The following NUBP2 variants were observed in gnomAD, a reference collection of about 807,000 sequenced individuals.
NUBP2 encodes the protein NUBP iron-sulfur cluster assembly factor 2, cytosolic.
In NUBP2, 23 loss-of-function variants were observed where a neutral mutation model predicts 24.9. The observed-to-expected ratio is 0.92, with a 90% CI of 0.66 to 1.31. The LOEUF is 1.31. NUBP2 is among the 50% of genes most tolerant of loss of function. The pLI is 0.00. For synonymous variants in NUBP2, 186 were observed against 170.9 expected, an observed-to-expected ratio of 1.09 and a Z score of -0.69; for missense variants, 403 against 386.5, an observed-to-expected ratio of 1.04 and a Z score of -0.36.
At position 1,785,659 on chromosome 16, in the gene NUBP2, C is replaced by G. The variant is rs958919922; in HGVS notation, c.17-878C>G. On this transcript the variant is annotated intron_variant, in intron 1 of 6. Transcript: ENST00000262302. The stretch of plus-strand genomic sequence containing the variant: ...TGCAGGAGTGTGGGGCTGGGGCTGC[C>G]TTTTCCGCGTCCCCTGGAGGAGACC... The G allele has an allele frequency of 1.1e-4, 137 of 1,288,676 alleles. 1 individual carries two copies. The highest frequency in any genetic ancestry group is 1.3e-4 in the Non-Finnish European group (131 of 988,588). 79.8% of individuals were successfully genotyped at this position (1,288,676 alleles called of 1,614,324 possible). A position where few individuals can be genotyped will look rare whatever the true frequency, so the allele number is the denominator to read the frequency against.
chr16:1,785,736 G>A, intron 1 of NUBP2: 4 of 1,289,126 alleles, frequency 3.1e-6, no homozygotes, highest in Non-Finnish European at 4.0e-6. Flanking sequence ...GGTTCTCCGG[G>A]AGGCTTTGGA....
At chr16:1,788,338 GC>G in intron 6 of NUBP2, 131 bp downstream of exon 6, 1 of 1,095,568 alleles carries the variant, frequency 9.1e-7, no homozygotes, top group Non-Finnish European at 1.3e-6. Context: ...CTCTTCTCGG[GC>G]CACACGCCAT....
rs201591725 is a variant in NUBP2, at chr16:1,787,627, G to A, written c.335-50G>A. 839 of 1,592,906 alleles carry A rather than the reference G, an allele frequency of 5.3e-4. 6 individuals carry two copies. In the African/African-American group the frequency reaches 8.5e-3, roughly 16 times the overall value. ...CTGGTTCTTAGTGGCGCAGGGCCACGTGTGCAGACCTGCCCTGCCCTGACC... is the reference window on the plus strand; with the variant it reads ...CTGGTTCTTAGTGGCGCAGGGCCACATGTGCAGACCTGCCCTGCCCTGACC... On this transcript the variant is annotated intron_variant, in intron 3 of 6. Coordinates refer to ENST00000262302, the MANE Select transcript of NUBP2 (RefSeq NM_012225.4).
rs774781785 is a variant in NUBP2 at position 1,786,770 on chromosome 16, A to T, written c.149A>T (p.Asp50Val). 45 of 1,611,180 alleles carry T rather than the reference A, an allele frequency of 2.8e-5. No homozygotes were observed. The highest frequency in any genetic ancestry group is 3.7e-5 in the Non-Finnish European group (44 of 1,178,996). ...CGCTCCTTGCAGGTGGGAATCCTGG[A>T]TGTGGACCTGTGTGGCCCCAGTATC... ...RHAGKKVGIL[D>V]VDLCGPSIPR... The change falls in exon 3 of 7, where the codon GAT becomes GTT. Residue 50 changes from aspartate (D) to valine (V), a missense_variant. Coordinates refer to ENST00000262302, the MANE Select transcript of NUBP2 (RefSeq NM_012225.4).
intron 3 of NUBP2, 42 bp from the exon 4 acceptor site, chr16:1,787,635 A>G (rs757684354): frequency 6.2e-7 from 1 of 1,602,514 alleles, no homozygotes; most frequent in Admixed American, 1.7e-5. Flanking sequence ...ACGTGTGCAG[A>G]CCTGCCCTGC....
At chr16:1,783,562 G>C (rs1195007008) in intron 1 of NUBP2, 1 of 935,102 alleles carries the variant, frequency 1.1e-6, no homozygotes, top group African/African-American at 1.8e-5. Context: ...CGCCAGATCA[G>C]CGCCGTGGGC....
chr16:1,783,506 T>A, intron 1 of NUBP2: 1 of 987,972 alleles, frequency 1.0e-6, no homozygotes, highest in Non-Finnish European at 1.2e-6. Flanking sequence ...TTCAGAAAAG[T>A]GTAAGTTGCG....
At position 1,782,996 on chromosome 16, in the gene NUBP2, G is replaced by A. The variant is rs886104496; in HGVS notation, c.-25G>A. On this transcript the variant is annotated 5_prime_UTR_variant, in exon 1 of 7. Transcript: ENST00000262302. The stretch of plus-strand genomic sequence containing the variant: ...GGCCCGCGGGCGTAAGCGGACTGCA[G>A]CCGCGAGCTCCTGGAGGCGGCGGGA... The A allele has an allele frequency of 4.3e-6, 6 of 1,400,848 alleles. No individual in the cohort carries two copies. Among genetic ancestry groups the A allele is most frequent in the Non-Finnish European group, 5.6e-6 (6 of 1,074,106 alleles). The allele number at this position is 1,400,848 out of a possible 1,614,324, so 86.8% of individuals were successfully genotyped here. A position where few individuals can be genotyped will look rare whatever the true frequency, so the allele number is the denominator to read the frequency against.
intron 1 of NUBP2, chr16:1,785,329 C>G: frequency 9.2e-7 from 1 of 1,086,362 alleles, no homozygotes; most frequent in African/African-American, 1.7e-5. Flanking sequence ...GTTGTTGTCC[C>G]GGTTCCTGAC....
At chr16:1,783,243 T>C in intron 1 of NUBP2, 1 of 1,163,086 alleles carries the variant, frequency 8.6e-7, no homozygotes, top group Non-Finnish European at 1.1e-6. Context: ...GGAAGCTCCG[T>C]GATCTCGGAG....
chr16:1,785,611 C>T, intron 1 of NUBP2: 1 of 1,282,466 alleles, frequency 7.8e-7, no homozygotes, highest in Non-Finnish European at 1.0e-6. Flanking sequence ...GACCGGGAGG[C>T]CGTGGTCTCG....
intron 6 of NUBP2, among the ~76,000 whole-genome samples, 175 bp from the exon 7 acceptor site, chr16:1,788,394 C>T (rs891206503): frequency 4.6e-5 from 7 of 152,182 alleles, no homozygotes; most frequent in African/African-American, 1.7e-4. Context: ...TTCTCAGGGC[C>T]CTCTCGGGTG....
rs1896974313 is a variant in NUBP2 at position 1,786,518 on chromosome 16, CTG to C, written c.17-17_17-16del. The C allele has an allele frequency of 6.3e-7, 1 of 1,576,268 alleles. No homozygotes were observed. ...TGGGCACCAGGAGCCCTGACCTTCT[CTG>C]TCGTGTTTCCGCCCAGAGCCTGGAA... On this transcript the variant is annotated splice_polypyrimidine_tract_variant and intron_variant, in intron 1 of 6. Transcript: ENST00000262302.
intron 3 of NUBP2, 100 bp downstream of exon 3, chr16:1,787,055 C>T: frequency 1.4e-5 from 16 of 1,173,728 alleles, no homozygotes; most frequent in Non-Finnish European, 1.8e-5. Flanking sequence ...CAGGCCTGTT[C>T]CTGGGGACCT....
At chr16:1,787,248 G>C in intron 3 of NUBP2, 1 of 430,928 alleles carries the variant, frequency 2.3e-6, no homozygotes, top group Non-Finnish European at 4.2e-6. Flanking sequence ...GAGCTGAGGG[G>C]GTTCTGGTGC....
At chr16:1,783,623 A>G (rs1896825365) in intron 1 of NUBP2, 1 of 412,772 alleles carries the variant, frequency 2.4e-6, no homozygotes, top group African/African-American at 2.2e-5. Flanking sequence ...CTCGAGTCCG[A>G]TACCAAAAGG....
chr16:1,785,961 G>A, intron 1 of NUBP2: 1 of 1,216,198 alleles, frequency 8.2e-7, no homozygotes, highest in Non-Finnish European at 1.0e-6. Context: ...CCGTGTGGCA[G>A]GGACAGGATG....
Position 1,786,888 on chromosome 16 carries a change from C to CAT in NUBP2, c.268_269dup (p.Met90IlefsTer25). The stretch of plus-strand genomic sequence containing the variant: ...TGGACCGGGAGCAGAGCATCTCGCT[C>CAT]ATGTCTGTGGGCTTCCTGCTGGAGA... On this transcript the variant is annotated frameshift_variant, in exon 3 of 7. Transcript: ENST00000262302. LOFTEE classifies it high-confidence loss of function. 1 of 1,571,454 alleles carries CAT rather than the reference C, an allele frequency of 6.4e-7. No homozygotes were observed. The highest frequency in any genetic ancestry group is 8.7e-7 in the Non-Finnish European group (1 of 1,152,604).
rs770922668 is a variant in NUBP2, at chr16:1,787,652, CGCCCCGTCT to C, written c.335-15_335-7del. On this transcript the variant is annotated splice_polypyrimidine_tract_variant and intron_variant, in intron 3 of 6. Transcript: ENST00000262302. ...GTGTGCAGACCTGCCCTGCCCTGACCGCCCCGTCTGCCCCGTCTTTGCAGCGCTGATAAA... is the reference window on the plus strand; with the variant it reads ...GTGTGCAGACCTGCCCTGCCCTGACCGCCCCGTCTTTGCAGCGCTGATAAA... 2.5e-6 allele frequency: 4 copies of C among 1,609,422 alleles called. No homozygotes were observed. The South Asian group carries it at 4.4e-5, about 18-fold the overall frequency.
Sources: allele counts gnomAD v4.1 joint callset (sites outside exome capture counted in the v4.1 genomes callset), GRCh38; gene constraint gnomAD v4.1.1; transcripts MANE v1.5; gene names NCBI Gene and HGNC (gene_info 2026-07-23, HGNC 2026-07-21).